CCDC85A: variants seen among roughly 807,000 people sequenced by gnomAD.
CCDC85A encodes the protein coiled-coil domain containing 85A.
A neutral mutation model predicts 50.2 loss-of-function variants in CCDC85A; 38 were observed. The observed-to-expected ratio is 0.76, with a 90% CI of 0.58 to 0.99. CCDC85A has a LOEUF of 0.99. Among genes scored for constraint, CCDC85A ranks in the 50% least tolerant of loss-of-function variants. The pLI, the probability that CCDC85A is intolerant of heterozygous loss-of-function variation, is 0.00. For missense variants in CCDC85A, 820 were observed against 742.0 expected (o/e 1.11, Z -1.22); for synonymous variants, 366 against 301.4 (o/e 1.21, Z -2.22).
intron 2 of CCDC85A, among the ~76,000 whole-genome samples, chr2:56,216,550 T>A (rs1431281663): frequency 2.0e-5 from 3 of 151,890 alleles, no homozygotes; most frequent in Non-Finnish European, 4.4e-5. Flanking sequence ...ATACCGATTA[T>A]CTATGTTTGT....
Position 56,344,823 on chromosome 2 carries a change from A to G in CCDC85A, c.1317+1868A>G, listed in dbSNP as rs761103345. Among the ~76,000 whole-genome samples, 22 of 152,240 alleles carry G rather than the reference A, an allele frequency of 1.4e-4. No individual in the cohort carries two copies. The South Asian group carries it at 2.1e-3, about 14-fold the overall frequency. ...CATCTCTCAGGCGACTGGGAATGTA[A>G]AAGAAATAGAAAAAAAATCCAAGTG... is the stretch of plus-strand genomic sequence containing the variant. On this transcript the variant is annotated intron_variant, in intron 3 of 5. Coordinates refer to ENST00000407595, the MANE Select transcript of CCDC85A (RefSeq NM_001080433.2).
At position 56,184,699 on chromosome 2, in the gene CCDC85A, G is replaced by A; in HGVS notation, c.75G>A (p.Ser25=). ...AESCSPAPAG[S]SAAPPAPVED... is the part of the protein sequence containing the mutation. ...GTTGTTCCCCAGCCCCGGCCGGCTC[G>A]TCCGCGGCCCCGCCCGCGCCGGTGG... Residue 25 remains serine, a synonymous_variant, in exon 1 of 6, where the codon TCG becomes TCA. Transcript: ENST00000407595. 6.6e-7 allele frequency: 1 copy of A among 1,524,456 alleles called. No homozygotes were observed. Among genetic ancestry groups the A allele is most frequent in the Non-Finnish European group, 8.8e-7 (1 of 1,140,102 alleles). The allele number at this position is 1,524,456 out of a possible 1,614,324, so 94.4% of individuals were successfully genotyped here.
chr2:56,289,746 C>T (rs927295443), intron 2 of CCDC85A, among the ~76,000 whole-genome samples: 3 of 151,924 alleles, frequency 2.0e-5, no homozygotes, highest in Admixed American at 1.3e-4. Context: ...CTCTGTTGTC[C>T]GAATTGTCAT....
chr2:56,219,467 A>G (rs963509906), intron 2 of CCDC85A, among the ~76,000 whole-genome samples: 10 of 151,722 alleles, frequency 6.6e-5, no homozygotes, highest in African/African-American at 2.4e-4. Context: ...GTCTAGGCTC[A>G]TTTTGAACCC....
intron 2 of CCDC85A, among the ~76,000 whole-genome samples, chr2:56,237,707 C>G (rs1320143973): frequency 6.6e-6 from 1 of 151,130 alleles, no homozygotes; most frequent in Non-Finnish European, 1.5e-5. Context: ...TGCTGGAGCT[C>G]TTAACTGTGA....
intron 2 of CCDC85A, among the ~76,000 whole-genome samples, chr2:56,205,600 G>C (rs1033235218): frequency 2.0e-5 from 3 of 152,300 alleles, no homozygotes; most frequent in South Asian, 4.1e-4. Context: ...ATAAATGGCA[G>C]TAAGGGGAAG....
intron 2 of CCDC85A, among the ~76,000 whole-genome samples, chr2:56,235,052 T>A (rs1386020969): frequency 6.6e-6 from 1 of 152,206 alleles, no homozygotes; most frequent in Non-Finnish European, 1.5e-5. Context: ...TCCATTAAAT[T>A]TCCATGGAGA....
intron 2 of CCDC85A, among the ~76,000 whole-genome samples, chr2:56,197,015 G>A (rs1676552472): frequency 6.6e-6 from 1 of 152,158 alleles, no homozygotes; most frequent in Non-Finnish European, 1.5e-5. Flanking sequence ...ATGAGAGCAA[G>A]CATGAGGAAA....
intron 2 of CCDC85A, among the ~76,000 whole-genome samples, chr2:56,311,157 C>T (rs947201528): frequency 6.6e-6 from 1 of 152,030 alleles, no homozygotes; most frequent in African/African-American, 2.4e-5. Context: ...CTTTAGAATT[C>T]TTGGTTCCCT....
intron 3 of CCDC85A, among the ~76,000 whole-genome samples, chr2:56,343,791 T>G (rs902752154): frequency 6.6e-6 from 1 of 152,170 alleles, no homozygotes; most frequent in African/African-American, 2.4e-5. Flanking sequence ...TAAGGCAAAA[T>G]TATACCTCAA....
intron 2 of CCDC85A, among the ~76,000 whole-genome samples, chr2:56,342,091 A>C (rs923836494): frequency 3.9e-5 from 6 of 152,106 alleles, no homozygotes; most frequent in Non-Finnish European, 7.3e-5. Flanking sequence ...CAAAATGTAC[A>C]AAATCAGAAG....
chr2:56,331,678 CATTT>C (rs1447452283), intron 2 of CCDC85A, among the ~76,000 whole-genome samples: 8 of 152,152 alleles, frequency 5.3e-5, no homozygotes, highest in African/African-American at 1.9e-4. Flanking sequence ...TTTAGATGTT[CATTT>C]ATTTATTCTT....
chr2:56,250,586 G>A (rs1669710797), intron 2 of CCDC85A, among the ~76,000 whole-genome samples: 3 of 152,152 alleles, frequency 2.0e-5, no homozygotes, highest in African/African-American at 7.2e-5. Flanking sequence ...GACAAGGGCA[G>A]GACATTTTGG....
intron 2 of CCDC85A, among the ~76,000 whole-genome samples, chr2:56,285,474 A>C (rs919529764): frequency 1.4e-5 from 2 of 141,216 alleles, no homozygotes; most frequent in Admixed American, 7.0e-5. Flanking sequence ...TATTAATTAT[A>C]TTATATTAAT....
intron 2 of CCDC85A, among the ~76,000 whole-genome samples, chr2:56,242,679 G>C (rs1170823942): frequency 6.6e-6 from 1 of 152,054 alleles, no homozygotes; most frequent in African/African-American, 2.4e-5. Flanking sequence ...ATATCGGGTA[G>C]GTAGTTTGCA....
At chr2:56,293,057 C>G (rs1175013656) in intron 2 of CCDC85A, among the ~76,000 whole-genome samples, 1 of 152,174 alleles carries the variant, frequency 6.6e-6, no homozygotes, top group African/African-American at 2.4e-5. Context: ...CAGGCTACCC[C>G]CAGCTGGAGA....
chr2:56,299,619 C>G (rs2104182280), intron 2 of CCDC85A, among the ~76,000 whole-genome samples: 1 of 152,184 alleles, frequency 6.6e-6, no homozygotes, highest in South Asian at 2.1e-4. Flanking sequence ...CAGTTACAGT[C>G]TGTCTGACTC....
intron 2 of CCDC85A, among the ~76,000 whole-genome samples, chr2:56,194,869 C>G (rs568431834): frequency 9.2e-5 from 14 of 151,612 alleles, no homozygotes; most frequent in African/African-American, 3.4e-4. Context: ...CCCCCACCCC[C>G]ACCCCATTGC....
At chr2:56,344,661 T>A (rs1558651247) in intron 3 of CCDC85A, among the ~76,000 whole-genome samples, 1 of 152,170 alleles carries the variant, frequency 6.6e-6, no homozygotes. Context: ...CTTTTAAAAT[T>A]TTTTTGTGTT....
Sources: allele counts gnomAD v4.1 joint callset (sites outside exome capture counted in the v4.1 genomes callset), GRCh38; gene constraint gnomAD v4.1.1; transcripts MANE v1.5; gene names NCBI Gene and HGNC (gene_info 2026-07-23, HGNC 2026-07-21).